The following SHQ1 variants were observed in gnomAD, a reference collection of about 807,000 sequenced individuals.
SHQ1 encodes the protein protein SHQ1 homolog.
SHQ1 carries 49 observed loss-of-function variants against 53.8 expected under a neutral mutation model. That is an observed-to-expected ratio of 0.91 (90% CI 0.72 to 1.16). The LOEUF is 1.16. Ranked by LOEUF, SHQ1 falls within the 50% of genes most tolerant of loss-of-function variation. SHQ1 has a pLI of 0.00. For missense variants in SHQ1, 738 were observed against 683.1 expected (o/e 1.08, Z -0.90); for synonymous variants, 243 against 251.0 (o/e 0.97, Z 0.30).
Position 72,754,572 on chromosome 3 carries a change from G to T in SHQ1, c.1182-3736C>A, listed in dbSNP as rs572292157. On this transcript the variant is annotated intron_variant, in intron 10 of 10. Coordinates refer to ENST00000325599, the MANE Select transcript of SHQ1 (RefSeq NM_018130.3). ...AATTTTATATTTTTAGTAGAGACAGGGTTTTTCCATGTTGGTCAGGCTGGT... is the reference window on the plus strand; with the variant it reads ...AATTTTATATTTTTAGTAGAGACAGTGTTTTTCCATGTTGGTCAGGCTGGT... Among the ~76,000 whole-genome samples the T allele has an allele frequency of 1.4e-3, 216 of 152,072 alleles. 1 individual carries two copies. The highest frequency in any genetic ancestry group is 4.9e-3 in the African/African-American group (204 of 41,500).
intron 10 of SHQ1, among the ~76,000 whole-genome samples, chr3:72,779,291 T>C (rs1706024436): frequency 6.6e-6 from 1 of 152,158 alleles, no homozygotes; most frequent in Admixed American, 6.5e-5. Flanking sequence ...CCTTTGCACA[T>C]GATGGAACTA....
chr3:72,786,436 T>A lies in SHQ1; in HGVS notation c.1181+6480A>T, dbSNP rs149507053. On this transcript the variant is annotated intron_variant, in intron 10 of 10. Coordinates refer to ENST00000325599, the MANE Select transcript of SHQ1 (RefSeq NM_018130.3). ...ACATGAACCTCTAGCCTCACTTCTT[T>A]CCTATCCCTTCTGTACTATAACCTA... Among the ~76,000 whole-genome samples the A allele has an allele frequency of 5.7e-4, 87 of 152,266 alleles. No homozygotes were observed. The Middle Eastern group carries it at 0.01, about 18-fold the overall frequency.
chr3:72,763,932 G>C (rs1395623750), intron 10 of SHQ1, among the ~76,000 whole-genome samples: 1 of 151,182 alleles, frequency 6.6e-6, no homozygotes, highest in Non-Finnish European at 1.5e-5. Context: ...GAATATAGAA[G>C]AACATCAGTG....
chr3:72,812,209 G>A (rs1707146192), intron 9 of SHQ1, among the ~76,000 whole-genome samples: 3 of 152,086 alleles, frequency 2.0e-5, no homozygotes, highest in Non-Finnish European at 2.9e-5. Context: ...CCTCCTAAAC[G>A]ATCCCTGGAC....
rs1439252023 is a variant in SHQ1 at position 72,804,798 on chromosome 3, T to C, written c.1060+7873A>G. ...TGAGCCCAAGAGTTTGAAGTTGCAA[T>C]GAGCCATGATTATGCCATACTGTAC... On this transcript the variant is annotated intron_variant, in intron 9 of 10. Transcript: ENST00000325599. 3.9e-5 allele frequency among the ~76,000 whole-genome samples: 6 copies of C among 152,188 alleles called. No homozygotes were observed. The East Asian group carries it at 1.2e-3, about 29-fold the overall frequency.
intron 10 of SHQ1, among the ~76,000 whole-genome samples, chr3:72,776,240 G>A (rs899853239): frequency 3.9e-5 from 6 of 152,148 alleles, no homozygotes; most frequent in Non-Finnish European, 8.8e-5. Flanking sequence ...ACATAACAAC[G>A]TTGTGGTCAA....
At chr3:72,825,696 T>C (rs151260627) in intron 5 of SHQ1, among the ~76,000 whole-genome samples, 136 of 152,288 alleles carry the variant, frequency 8.9e-4, no homozygotes, top group Non-Finnish European at 1.6e-3. Flanking sequence ...GGTGAAAATT[T>C]TATTTATATT....
At chr3:72,773,380 T>C (rs1054083430) in intron 10 of SHQ1, 1 of 481,098 alleles carries the variant, frequency 2.1e-6, no homozygotes, top group Non-Finnish European at 4.0e-6. Context: ...ACACAGTACA[T>C]CCCTCAGCCT....
intron 10 of SHQ1, among the ~76,000 whole-genome samples, chr3:72,757,549 C>T (rs1326701186): frequency 6.6e-6 from 1 of 151,854 alleles, no homozygotes. Flanking sequence ...GCCACTGAGC[C>T]CGGCTTCAAC....
chr3:72,771,865 G>A (rs1019773432), intron 10 of SHQ1, among the ~76,000 whole-genome samples: 1 of 152,234 alleles, frequency 6.6e-6, no homozygotes, highest in African/African-American at 2.4e-5. Context: ...GAAGAAAGCA[G>A]ATTTCAATCA....
intron 10 of SHQ1, among the ~76,000 whole-genome samples, chr3:72,751,511 T>G (rs1032707755): frequency 8.7e-6 from 1 of 115,054 alleles, no homozygotes; most frequent in Non-Finnish European, 1.8e-5. Flanking sequence ...TGTGTGTGTA[T>G]ATATATATAT....
At chr3:72,842,212 C>T (rs1708195265) in intron 3 of SHQ1, 68 bp downstream of exon 3, 3 of 1,552,106 alleles carry the variant, frequency 1.9e-6, no homozygotes, top group Middle Eastern at 4.0e-4. Flanking sequence ...TCCCATTTCC[C>T]CTACAAATAC....
At chr3:72,773,491 A>AAAAAAAAAAG (rs1705896429) in intron 10 of SHQ1, 1 of 263,460 alleles carries the variant, frequency 3.8e-6, no homozygotes, top group South Asian at 4.7e-5. Context: ...CTTAAAAAAA[A>AAAAAAAAAAG]AAAAAAGAAA....
chr3:72,794,737 T>C (rs1706551166), intron 9 of SHQ1: 1 of 152,276 alleles, frequency 6.6e-6, no homozygotes, highest in African/African-American at 2.4e-5. Context: ...TCCATGCCTT[T>C]TTCCCTTCTC....
intron 3 of SHQ1, among the ~76,000 whole-genome samples, chr3:72,841,683 G>A (rs1396838381): frequency 1.3e-5 from 2 of 152,132 alleles, no homozygotes; most frequent in African/African-American, 4.8e-5. Flanking sequence ...ACCAGAGACC[G>A]GATTTGTGGA....
At chr3:72,760,474 A>C (rs1705584923) in intron 10 of SHQ1, among the ~76,000 whole-genome samples, 1 of 152,210 alleles carries the variant, frequency 6.6e-6, no homozygotes, top group Non-Finnish European at 1.5e-5. Flanking sequence ...TCATTCTTTA[A>C]GGGAGCACAG....
rs768014308 is a variant in SHQ1, at chr3:72,841,149, C to T, written c.382G>A (p.Glu128Lys). Residue 128 changes from glutamate to lysine, a missense_variant, in exon 4 of 11, where the codon GAA becomes AAA. Glu to Lys is a moderately conservative substitution (Grantham distance 56). Transcript: ENST00000325599. ...TCTTCACAGGGTGTCTGCTCAATTT[C>T]CCAATCAAACTCTTCATCGTCAACT... ...EVVDDEEFDWEIEQTPCEEVS... is the reference protein window; with the variant it reads ...EVVDDEEFDWKIEQTPCEEVS... 1.3e-5 allele frequency: 21 copies of T among 1,613,664 alleles called. 1 individual carries two copies. In the South Asian group the frequency reaches 2.3e-4, roughly 18 times the overall value.
At chr3:72,772,506 G>A in intron 10 of SHQ1, 1 of 584,716 alleles carries the variant, frequency 1.7e-6, no homozygotes. Context: ...TGGACCCTCA[G>A]ACAGTGATAT....
chr3:72,730,895 T>C, the SHQ1 span, among the ~76,000 whole-genome samples: 5,538 of 149,338 alleles, frequency 0.037, 348 homozygotes, highest in African/African-American at 0.13. Context: ...ATAATCATCC[T>C]CTGAAAAATG....
Sources: gnomAD v4.1 joint callset for allele counts (sites outside exome capture counted in the v4.1 genomes callset) on GRCh38, gnomAD v4.1.1 for gene constraint, MANE v1.5 for transcripts, NCBI Gene and HGNC (gene_info 2026-07-23, HGNC 2026-07-21) for gene names.